KIAA0825: variants seen among roughly 807,000 people sequenced by gnomAD.
KIAA0825 encodes the protein KIAA0825.
In KIAA0825, 119 loss-of-function variants were observed where a neutral mutation model predicts 147.6. That is an observed-to-expected ratio of 0.81 (90% CI 0.69 to 0.94). KIAA0825 has a LOEUF of 0.94. KIAA0825 is among the 40% of genes least tolerant of loss of function. The probability of loss-of-function intolerance (pLI) is 0.00; values close to 1 mark genes in which losing one functional copy is unlikely to be tolerated. For synonymous variants in KIAA0825, 470 were observed against 518.1 expected (o/e 0.91, Z 1.26); for missense variants, 1,381 against 1,472.7 (o/e 0.94, Z 1.02).
At chr5:94,417,911 A>G (rs1753680341) in intron 14 of KIAA0825, among the ~76,000 whole-genome samples, 1 of 152,170 alleles carries the variant, frequency 6.6e-6, no homozygotes, top group Admixed American at 6.5e-5. Flanking sequence ...TGGTTCCTCA[A>G]TAAAACTATA....
chr5:94,325,300 A>G (rs1421756015), intron 20 of KIAA0825, among the ~76,000 whole-genome samples: 1 of 152,002 alleles, frequency 6.6e-6, no homozygotes, highest in Admixed American at 6.6e-5. Flanking sequence ...AAACAGCAGG[A>G]GTATGCCCTC....
At chr5:94,278,476 C>T (rs1000210761) in intron 20 of KIAA0825, among the ~76,000 whole-genome samples, 1 of 151,808 alleles carries the variant, frequency 6.6e-6, no homozygotes, top group Non-Finnish European at 1.5e-5. Context: ...TGAATATTTG[C>T]TACATTTTTC....
At chr5:94,232,779 A>T (rs1004177560) in intron 20 of KIAA0825, among the ~76,000 whole-genome samples, 1 of 152,142 alleles carries the variant, frequency 6.6e-6, no homozygotes, top group African/African-American at 2.4e-5. Context: ...TTTACTAAAA[A>T]GTTGCAAGAA....
rs531517726 is a variant in KIAA0825 at position 94,617,686 on chromosome 5, A to G, written c.-153+814T>C. ...GTTACCTAAGAAATTGCATTACTTA[A>G]GAGAAGTCGCCAAGGTTCACTACAT... On this transcript the variant is annotated intron_variant, in intron 1 of 20. Coordinates refer to ENST00000682413, the MANE Select transcript of KIAA0825 (RefSeq NM_001145678.3). Among the ~76,000 whole-genome samples, 9 of 152,358 alleles carry G rather than the reference A, an allele frequency of 5.9e-5. No homozygotes were observed. In the East Asian group the frequency reaches 1.7e-3, roughly 29 times the overall value.
At chr5:94,494,692 G>C (rs917679531) in intron 5 of KIAA0825, among the ~76,000 whole-genome samples, 1 of 152,212 alleles carries the variant, frequency 6.6e-6, no homozygotes, top group East Asian at 1.9e-4. Flanking sequence ...AATTTTGCAA[G>C]AGTTCAGTTA....
chr5:94,504,386 C>T (rs924257863), intron 5 of KIAA0825, among the ~76,000 whole-genome samples: 7 of 152,028 alleles, frequency 4.6e-5, no homozygotes, highest in Admixed American at 6.6e-5. Flanking sequence ...CTTAGTGGGC[C>T]CAGATGCCCA....
intron 20 of KIAA0825, among the ~76,000 whole-genome samples, chr5:94,205,503 G>A (rs1048522177): frequency 3.3e-5 from 5 of 151,780 alleles, no homozygotes; most frequent in African/African-American, 1.2e-4. Flanking sequence ...ATGTTAGCCA[G>A]GATGGTCTCG....
At chr5:94,541,264 C>T (rs1168324608) in intron 2 of KIAA0825, among the ~76,000 whole-genome samples, 2 of 152,130 alleles carry the variant, frequency 1.3e-5, no homozygotes, top group African/African-American at 4.8e-5. Context: ...CCAGGCTCCA[C>T]ACCTAGTACA....
At chr5:94,224,082 C>CTTTT (rs869059424) in intron 20 of KIAA0825, among the ~76,000 whole-genome samples, 1,101 of 56,544 alleles carry the variant, frequency 0.019, 4 homozygotes, top group Non-Finnish European at 0.025. Flanking sequence ...TTTTTCTTTT[C>CTTTT]TTTTTTTTTT....
chr5:94,615,064 TAAAA>T (rs570986751), intron 1 of KIAA0825, among the ~76,000 whole-genome samples: 5 of 130,042 alleles, frequency 3.8e-5, no homozygotes, highest in Non-Finnish European at 6.7e-5. Context: ...TCATAGCTGG[TAAAA>T]AAAAAAAAAA....
intron 20 of KIAA0825, among the ~76,000 whole-genome samples, chr5:94,271,250 G>T (rs76277843): frequency 0.011 from 1,631 of 152,052 alleles, 28 homozygotes; most frequent in African/African-American, 0.038. Flanking sequence ...GTCAACCAAA[G>T]AAAAAATGGA....
chr5:94,425,660 G>A (rs1163012899), intron 14 of KIAA0825, among the ~76,000 whole-genome samples: 3 of 151,980 alleles, frequency 2.0e-5, no homozygotes, highest in Admixed American at 6.6e-5. Flanking sequence ...CCATATGGTC[G>A]TTCTATTTTT....
chr5:94,251,912 A>C (rs1775983484), intron 20 of KIAA0825, among the ~76,000 whole-genome samples: 2 of 152,050 alleles, frequency 1.3e-5, no homozygotes, highest in Admixed American at 6.6e-5. Context: ...CCACTCTCTA[A>C]GTATATTTAA....
chr5:94,312,614 C>A (rs936688185), intron 20 of KIAA0825, among the ~76,000 whole-genome samples: 2 of 151,714 alleles, frequency 1.3e-5, no homozygotes, highest in Non-Finnish European at 3.0e-5. Context: ...TAAAAAAACT[C>A]ATTCTCTTGA....
At chr5:94,426,765 C>T (rs1243050837) in intron 14 of KIAA0825, among the ~76,000 whole-genome samples, 1 of 152,122 alleles carries the variant, frequency 6.6e-6, no homozygotes, top group African/African-American at 2.4e-5. Context: ...ATGGACACCC[C>T]AAATTCCCTG....
At chr5:94,497,532 G>A (rs982767965) in intron 5 of KIAA0825, among the ~76,000 whole-genome samples, 3 of 151,974 alleles carry the variant, frequency 2.0e-5, no homozygotes, top group African/African-American at 7.3e-5. Context: ...ATTGCTCAAG[G>A]TCACAAAACT....
intron 5 of KIAA0825, among the ~76,000 whole-genome samples, chr5:94,515,994 A>G (rs1329015997): frequency 6.6e-6 from 1 of 152,118 alleles, no homozygotes; most frequent in African/African-American, 2.4e-5. Flanking sequence ...TTTTCAGATA[A>G]CAAAACATAC....
chr5:94,422,784 T>C (rs1477402543), intron 14 of KIAA0825, among the ~76,000 whole-genome samples: 1 of 152,202 alleles, frequency 6.6e-6, no homozygotes, highest in Non-Finnish European at 1.5e-5. Context: ...AAAGTATCCA[T>C]TGTTCAAACA....
intron 20 of KIAA0825, among the ~76,000 whole-genome samples, chr5:94,162,094 A>G (rs1767639499): frequency 6.6e-6 from 1 of 152,160 alleles, no homozygotes; most frequent in Admixed American, 6.5e-5. Context: ...TGCCCTGCAT[A>G]CAATCTCTGC....
Sources: allele counts gnomAD v4.1 joint callset (sites outside exome capture counted in the v4.1 genomes callset), GRCh38; gene constraint gnomAD v4.1.1; transcripts MANE v1.5; gene names NCBI Gene and HGNC (gene_info 2026-07-23, HGNC 2026-07-21).